DPP10: variants seen among roughly 807,000 people sequenced by gnomAD.
The protein encoded by DPP10 is inactive dipeptidyl peptidase 10.
DPP10 carries 33 observed loss-of-function variants against 120.9 expected under a neutral mutation model. The ratio of observed to expected loss-of-function variants is 0.27; its 90% CI spans 0.21 to 0.37. The LOEUF is 0.37. Among genes scored for constraint, DPP10 ranks in the 10% least tolerant of loss-of-function variants. The pLI, the probability that DPP10 is intolerant of heterozygous loss-of-function variation, is 1.00. For missense variants in DPP10, 816 were observed against 942.8 expected (o/e 0.87, Z 1.76); for synonymous variants, 337 against 326.1 (o/e 1.03, Z -0.36).
At chr2:115,052,035 G>T (rs945880672) in intron 1 of DPP10, among the ~76,000 whole-genome samples, 1 of 152,140 alleles carries the variant, frequency 6.6e-6, no homozygotes, top group African/African-American at 2.4e-5. Context: ...TAGTACTTAT[G>T]TTCAATTGAT....
intron 5 of DPP10, among the ~76,000 whole-genome samples, chr2:115,588,360 A>G (rs2082420478): frequency 6.6e-6 from 1 of 152,160 alleles, no homozygotes; most frequent in Non-Finnish European, 1.5e-5. Context: ...TGTTTCTCTC[A>G]GTTTCAAAAA....
chr2:115,024,521 A>G (rs1260424260), intron 1 of DPP10, among the ~76,000 whole-genome samples: 1 of 151,676 alleles, frequency 6.6e-6, no homozygotes, highest in African/African-American at 2.4e-5. Flanking sequence ...TTTTATTTAT[A>G]CATAACAGAT....
chr2:114,443,665 G>T (rs1319042522), intron 1 of DPP10, among the ~76,000 whole-genome samples: 4 of 150,522 alleles, frequency 2.7e-5, no homozygotes, highest in African/African-American at 9.8e-5. Context: ...TGCATCTTGA[G>T]GGAAAGTGAT....
chr2:115,481,028 T>G (rs1010173597), intron 3 of DPP10, among the ~76,000 whole-genome samples: 3 of 152,152 alleles, frequency 2.0e-5, no homozygotes, highest in Non-Finnish European at 4.4e-5. Context: ...ATTTCTAGCA[T>G]GGCAGGAAGT....
chr2:114,587,788 G>T (rs1397801972), intron 1 of DPP10, among the ~76,000 whole-genome samples: 2 of 152,158 alleles, frequency 1.3e-5, no homozygotes, highest in African/African-American at 4.8e-5. Context: ...CCTAAAGTTA[G>T]CATGGTGGGA....
At chr2:114,544,032 T>A (rs1687169122) in intron 1 of DPP10, among the ~76,000 whole-genome samples, 1 of 151,454 alleles carries the variant, frequency 6.6e-6, no homozygotes, top group Admixed American at 6.6e-5. Flanking sequence ...AATATAGCAG[T>A]TAAAAAAAAA....
intron 5 of DPP10, among the ~76,000 whole-genome samples, chr2:115,598,813 CT>C (rs11458817): frequency 2.1e-5 from 3 of 141,742 alleles, no homozygotes; most frequent in Admixed American, 7.0e-5. Context: ...GCCTGAAGAG[CT>C]TTTTTTTTTT....
At chr2:114,889,048 T>C (rs1211292679) in intron 1 of DPP10, among the ~76,000 whole-genome samples, 1 of 152,098 alleles carries the variant, frequency 6.6e-6, no homozygotes, top group Non-Finnish European at 1.5e-5. Flanking sequence ...CGAGAAGGCA[T>C]TAGGATGCAG....
chr2:114,906,362 C>A lies in DPP10; in HGVS notation c.61-402877C>A, dbSNP rs560735950. Reference sequence around the variant, plus strand: ...TCGCACCACTTCACTCCAGCCTGGGCGACAGAGTGAGTTCTATCTCAAAAA... The same window carrying A: ...TCGCACCACTTCACTCCAGCCTGGGAGACAGAGTGAGTTCTATCTCAAAAA... On this transcript the variant is annotated intron_variant, in intron 1 of 25. Transcript: ENST00000410059. 2.0e-5 allele frequency among the ~76,000 whole-genome samples: 3 copies of A among 147,966 alleles called. No individual in the cohort carries two copies. In the Admixed American group the frequency reaches 2.0e-4, roughly 10 times the overall value.
intron 1 of DPP10, among the ~76,000 whole-genome samples, chr2:115,250,244 T>C (rs1040935071): frequency 3.9e-5 from 6 of 152,166 alleles, no homozygotes; most frequent in Non-Finnish European, 8.8e-5. Context: ...AGATATTTAC[T>C]GAGAGACTGC....
intron 3 of DPP10, among the ~76,000 whole-genome samples, chr2:115,492,491 A>C (rs990022715): frequency 1.3e-5 from 2 of 152,076 alleles, no homozygotes; most frequent in Admixed American, 6.5e-5. Flanking sequence ...GGAAACAGTC[A>C]TTTGTTTGTG....
chr2:115,057,778 G>C (rs1706048966), intron 1 of DPP10, among the ~76,000 whole-genome samples: 2 of 152,152 alleles, frequency 1.3e-5, no homozygotes, highest in South Asian at 4.1e-4. Flanking sequence ...TAGAATTTAG[G>C]AGTTGGACAA....
At chr2:115,510,259 TTG>T (rs1428337601) in intron 4 of DPP10, among the ~76,000 whole-genome samples, 1 of 152,130 alleles carries the variant, frequency 6.6e-6, no homozygotes, top group Admixed American at 6.6e-5. Context: ...TAACTTCTTT[TTG>T]TGTGTTTGAG....
In DPP10 at chr2:114,560,111, A is replaced by C. The variant is rs1688649167; in HGVS notation, c.60+117273A>C. 2.6e-5 allele frequency among the ~76,000 whole-genome samples: 4 copies of C among 152,126 alleles called. No individual in the cohort carries two copies. The South Asian group carries it at 8.3e-4, about 32-fold the overall frequency. On this transcript the variant is annotated intron_variant, in intron 1 of 25. Coordinates refer to ENST00000410059, the MANE Select transcript of DPP10 (RefSeq NM_020868.6). Reference sequence around the variant, plus strand: ...TTTACTTTAGGAAATTTTGGTTCCAATAGTTTAAGAATAACATGGAACTGA... The same window carrying C: ...TTTACTTTAGGAAATTTTGGTTCCACTAGTTTAAGAATAACATGGAACTGA...
chr2:114,518,030 T>C (rs1220861486), intron 1 of DPP10, among the ~76,000 whole-genome samples: 1 of 152,082 alleles, frequency 6.6e-6, no homozygotes, highest in African/African-American at 2.4e-5. Context: ...AATTTGGTTT[T>C]AGGATTTCAA....
chr2:114,616,271 A>G (rs1693666911), intron 1 of DPP10, among the ~76,000 whole-genome samples: 1 of 151,996 alleles, frequency 6.6e-6, no homozygotes, highest in Non-Finnish European at 1.5e-5. Flanking sequence ...TCTTCCATTG[A>G]CTGTGGTTTT....
intron 1 of DPP10, among the ~76,000 whole-genome samples, chr2:114,881,594 GTCTGTCTATCTATCTA>G (rs1347458494): frequency 1.7e-4 from 16 of 96,334 alleles, no homozygotes; most frequent in South Asian, 3.6e-4. Context: ...CTGTCTGTCT[GTCTGTCTATCTATCTA>G]TCTATCTATC....
chr2:115,115,210 G>C (rs2049440027), intron 1 of DPP10, among the ~76,000 whole-genome samples: 1 of 152,026 alleles, frequency 6.6e-6, no homozygotes, highest in Non-Finnish European at 1.5e-5. Context: ...ACCTAACTGT[G>C]TCCATACACA....
intron 5 of DPP10, among the ~76,000 whole-genome samples, chr2:115,678,642 C>T (rs2090444371): frequency 6.6e-6 from 1 of 152,212 alleles, no homozygotes; most frequent in Non-Finnish European, 1.5e-5. Context: ...AGAGTCCCCA[C>T]TAGGGCATTG....
Sources: allele counts gnomAD v4.1 joint callset (sites outside exome capture counted in the v4.1 genomes callset), GRCh38; gene constraint gnomAD v4.1.1; transcripts MANE v1.5; gene names NCBI Gene and HGNC (gene_info 2026-07-23, HGNC 2026-07-21).